Variants in CNTNAP5 observed in about 807,000 individuals in gnomAD.
CNTNAP5 encodes contactin-associated protein-like 5.
In CNTNAP5, 72 loss-of-function variants were observed where a neutral mutation model predicts 150.2. The ratio of observed to expected loss-of-function variants is 0.48; its 90% CI spans 0.40 to 0.58. CNTNAP5 has a LOEUF of 0.58. Among genes scored for constraint, CNTNAP5 ranks in the 20% least tolerant of loss-of-function variants. The pLI, the probability that CNTNAP5 is intolerant of heterozygous loss-of-function variation, is 0.00. For synonymous variants in CNTNAP5, 672 were observed against 619.8 expected (o/e 1.08, Z -1.25); for missense variants, 1,636 against 1,626.2 (o/e 1.01, Z -0.10).
intron 1 of CNTNAP5, among the ~76,000 whole-genome samples, chr2:124,047,420 G>A (rs1173144022): frequency 2.0e-5 from 3 of 152,198 alleles, no homozygotes; most frequent in Non-Finnish European, 2.9e-5. Flanking sequence ...CAGAGAGCTT[G>A]GACGGATCTG....
chr2:124,554,555 G>T (rs1695708740), intron 10 of CNTNAP5, among the ~76,000 whole-genome samples: 1 of 151,614 alleles, frequency 6.6e-6, no homozygotes, highest in Non-Finnish European at 1.5e-5. Context: ...CAAGTAGCTA[G>T]GACTATAGGC....
intron 1 of CNTNAP5, among the ~76,000 whole-genome samples, chr2:124,077,546 C>G (rs913864048): frequency 6.6e-6 from 1 of 152,110 alleles, no homozygotes; most frequent in African/African-American, 2.4e-5. Context: ...TTGACATAGG[C>G]CATCTCTTGC....
intron 19 of CNTNAP5, among the ~76,000 whole-genome samples, chr2:124,863,737 C>T (rs114719180): frequency 0.012 from 1,900 of 152,258 alleles, 47 homozygotes; most frequent in African/African-American, 0.043. Context: ...GGTGGTTACT[C>T]ACAACCCTCT....
chr2:124,340,326 A>G (rs761459309), intron 3 of CNTNAP5, among the ~76,000 whole-genome samples: 5 of 152,210 alleles, frequency 3.3e-5, no homozygotes, highest in Non-Finnish European at 5.9e-5. Flanking sequence ...TTTCATGTGC[A>G]CTGGAAACAT....
At chr2:124,540,612 T>C (rs1695356390) in intron 10 of CNTNAP5, among the ~76,000 whole-genome samples, 1 of 152,196 alleles carries the variant, frequency 6.6e-6, no homozygotes, top group Admixed American at 6.5e-5. Flanking sequence ...CTTAGAGTCA[T>C]GTCATTGATT....
At chr2:124,313,702 T>G (rs746135836) in intron 3 of CNTNAP5, among the ~76,000 whole-genome samples, 13 of 152,184 alleles carry the variant, frequency 8.5e-5, no homozygotes, top group African/African-American at 1.2e-4. Context: ...CATGCCATCA[T>G]GTCTTTGTGG....
intron 1 of CNTNAP5, among the ~76,000 whole-genome samples, chr2:124,202,699 T>C (rs1422645565): frequency 6.6e-6 from 1 of 152,210 alleles, no homozygotes; most frequent in Non-Finnish European, 1.5e-5. Flanking sequence ...ATGTCTTACA[T>C]GGCCTCAGGC....
At chr2:124,508,102 T>C (rs1694457331) in intron 8 of CNTNAP5, among the ~76,000 whole-genome samples, 1 of 151,852 alleles carries the variant, frequency 6.6e-6, no homozygotes, top group South Asian at 2.1e-4. Context: ...AAAAAAATTA[T>C]GTTGGTGCTG....
chr2:124,041,622 C>T (rs1200030578), intron 1 of CNTNAP5, among the ~76,000 whole-genome samples: 1 of 152,036 alleles, frequency 6.6e-6, no homozygotes, highest in African/African-American at 2.4e-5. Flanking sequence ...CCCCAGGGGA[C>T]ATATGGTAGG....
At chr2:124,846,841 C>A (rs1683058295) in intron 19 of CNTNAP5, among the ~76,000 whole-genome samples, 1 of 152,158 alleles carries the variant, frequency 6.6e-6, no homozygotes, top group Non-Finnish European at 1.5e-5. Context: ...TGTTTTTGCT[C>A]TTCTGGGTCT....
chr2:124,657,306 A>G (rs1678480122), intron 13 of CNTNAP5, among the ~76,000 whole-genome samples: 1 of 152,140 alleles, frequency 6.6e-6, no homozygotes, highest in African/African-American at 2.4e-5. Context: ...CAAATACCCA[A>G]ATCCACTCAT....
intron 3 of CNTNAP5, among the ~76,000 whole-genome samples, chr2:124,358,774 T>G (rs1431308367): frequency 6.6e-6 from 1 of 151,948 alleles, no homozygotes; most frequent in Non-Finnish European, 1.5e-5. Context: ...TCTTTTTTGG[T>G]TGTGTCTCTG....
intron 2 of CNTNAP5, among the ~76,000 whole-genome samples, chr2:124,228,455 C>G (rs1686524251): frequency 6.6e-6 from 1 of 152,110 alleles, no homozygotes; most frequent in African/African-American, 2.4e-5. Context: ...TAATAGAAAC[C>G]ATCACAATGT....
At chr2:124,289,560 G>C (rs62173769) in intron 3 of CNTNAP5, among the ~76,000 whole-genome samples, 1 of 152,266 alleles carries the variant, frequency 6.6e-6, no homozygotes, top group African/African-American at 2.4e-5. Flanking sequence ...TAGAAGAAAC[G>C]TAATAAAATG....
chr2:124,149,722 C>T (rs796629895), intron 1 of CNTNAP5, among the ~76,000 whole-genome samples: 33 of 152,342 alleles, frequency 2.2e-4, no homozygotes, highest in African/African-American at 7.7e-4. Context: ...GCTGCTGCTT[C>T]TTCCTCTCCT....
intron 13 of CNTNAP5, among the ~76,000 whole-genome samples, chr2:124,667,797 C>T (rs1389837487): frequency 6.6e-6 from 1 of 152,124 alleles, no homozygotes; most frequent in East Asian, 1.9e-4. Context: ...AGCAATGGCA[C>T]CTTTGTTGAT....
At chr2:124,303,064 G>A (rs1688603626) in intron 3 of CNTNAP5, among the ~76,000 whole-genome samples, 1 of 152,076 alleles carries the variant, frequency 6.6e-6, no homozygotes, top group Non-Finnish European at 1.5e-5. Flanking sequence ...CTAGCTTTTT[G>A]TATTTGACTG....
intron 1 of CNTNAP5, among the ~76,000 whole-genome samples, chr2:124,125,528 T>A (rs75057607): frequency 6.6e-6 from 1 of 152,030 alleles, no homozygotes; most frequent in Admixed American, 6.6e-5. Context: ...AACAAGGCTA[T>A]CCAGGAATTG....
intron 21 of CNTNAP5, among the ~76,000 whole-genome samples, chr2:124,884,923 G>C (rs985046816): frequency 3.9e-5 from 6 of 151,992 alleles, no homozygotes; most frequent in Non-Finnish European, 8.8e-5. Context: ...CTTTACTTGC[G>C]AGAGAATTGC....
Sources: gnomAD v4.1 joint callset for allele counts (sites outside exome capture counted in the v4.1 genomes callset) on GRCh38, gnomAD v4.1.1 for gene constraint, MANE v1.5 for transcripts, NCBI Gene and HGNC (gene_info 2026-07-23, HGNC 2026-07-21) for gene names.